The following CAPN7 variants were observed in gnomAD, a reference collection of about 807,000 sequenced individuals.
CAPN7 encodes the protein calpain-7.
In CAPN7, 72 loss-of-function variants were observed where a neutral mutation model predicts 115.2. The ratio of observed to expected loss-of-function variants is 0.63; its 90% CI spans 0.52 to 0.76. CAPN7 has a LOEUF of 0.76. Ranked by LOEUF, CAPN7 falls within the 30% of genes least tolerant of loss-of-function variation. The probability of loss-of-function intolerance (pLI) is 0.00; values close to 1 mark genes in which losing one functional copy is unlikely to be tolerated. For missense variants in CAPN7, 905 were observed against 971.5 expected, an observed-to-expected ratio of 0.93 and a Z score of 0.91; for synonymous variants, 344 against 322.3, an observed-to-expected ratio of 1.07 and a Z score of -0.72.
intron 2 of CAPN7, among the ~76,000 whole-genome samples, chr3:15,213,802 T>G (rs1368300684): frequency 6.6e-6 from 1 of 152,088 alleles, no homozygotes; most frequent in African/African-American, 2.4e-5. Flanking sequence ...GATATATATG[T>G]GATATTCAAG....
At chr3:15,242,947 A>G (rs1015880332) in intron 16 of CAPN7, among the ~76,000 whole-genome samples, 1 of 152,210 alleles carries the variant, frequency 6.6e-6, no homozygotes, top group African/African-American at 2.4e-5. Context: ...TTCTGCTTTC[A>G]TAGAGTTTAT....
intron 2 of CAPN7, among the ~76,000 whole-genome samples, chr3:15,215,273 A>G (rs1049481158): frequency 3.9e-5 from 6 of 152,242 alleles, no homozygotes; most frequent in Non-Finnish European, 8.8e-5. Context: ...TATTTAAAAA[A>G]AAACCAAAAA....
chr3:15,238,625 G>T (rs1444257162), intron 12 of CAPN7, among the ~76,000 whole-genome samples: 1 of 151,944 alleles, frequency 6.6e-6, no homozygotes, highest in African/African-American at 2.4e-5. Flanking sequence ...TAATCTGCTT[G>T]CATATTCCAA....
At chr3:15,238,647 T>C (rs752390744) in intron 12 of CAPN7, among the ~76,000 whole-genome samples, 28 of 152,084 alleles carry the variant, frequency 1.8e-4, no homozygotes, top group Non-Finnish European at 1.5e-4. Flanking sequence ...GTCTTCATTT[T>C]AGTCTCAGCG....
Position 15,218,216 on chromosome 3 carries a change from G to A in CAPN7, c.370-257G>A, listed in dbSNP as rs1330794764. On this transcript the variant is annotated intron_variant, in intron 3 of 20. Transcript: ENST00000253693. ...TGTTCTGAGGTTCCTGCCACTCAGCGTTCCACAGCACTATGGTCAAACAGT... is the reference window on the plus strand; with the variant it reads ...TGTTCTGAGGTTCCTGCCACTCAGCATTCCACAGCACTATGGTCAAACAGT... Among the ~76,000 whole-genome samples the A allele has an allele frequency of 7.2e-5, 11 of 152,144 alleles. No individual in the cohort carries two copies. In the East Asian group the frequency reaches 1.3e-3, roughly 19 times the overall value.
In CAPN7 at chr3:15,251,255, C is replaced by T. The variant is rs1219851276; in HGVS notation, c.2437C>T (p.Gln813Ter). 1.3e-6 allele frequency: 2 copies of T among 1,582,998 alleles called. No individual in the cohort carries two copies. The highest frequency in any genetic ancestry group is 2.3e-5 in the South Asian group (2 of 85,126). ...SIIPIKITQL[Q>*] ...TATCCCCATCAAGATCACACAACTT[C>T]AGTGATGGAGAAATCTCAAGTTACT... The change falls in exon 21 of 21, where the codon CAG (glutamine) becomes TAG (stop). Residue 813 changes from glutamine to a stop codon, truncating the protein, a stop_gained. Transcript: ENST00000253693. LOFTEE classifies it high-confidence loss of function.
chr3:15,225,536 C>T (rs1694263380), intron 6 of CAPN7, among the ~76,000 whole-genome samples: 1 of 152,134 alleles, frequency 6.6e-6, no homozygotes, highest in Admixed American at 6.6e-5. Context: ...AATGTAATAA[C>T]ATGGGAAAAT....
chr3:15,226,102 G>A (rs1694298542), intron 6 of CAPN7, among the ~76,000 whole-genome samples: 1 of 151,860 alleles, frequency 6.6e-6, no homozygotes, highest in Non-Finnish European at 1.5e-5. Flanking sequence ...TTGAGATGGA[G>A]TCTCACTCTG....
chr3:15,245,256 C>T (rs1307463022), intron 16 of CAPN7, among the ~76,000 whole-genome samples: 1 of 150,818 alleles, frequency 6.6e-6, no homozygotes, highest in African/African-American at 2.4e-5. Flanking sequence ...CAACACAGAA[C>T]AAATAGTAGG....
Position 15,220,671 on chromosome 3 carries a change from T to C in CAPN7, c.438-110T>C, listed in dbSNP as rs1481638771. 1.2e-5 allele frequency: 10 copies of C among 833,950 alleles called. No individual in the cohort carries two copies. In the East Asian group the frequency reaches 2.6e-4, roughly 22 times the overall value. 51.7% of individuals were successfully genotyped at this position (833,950 alleles called of 1,614,324 possible). ...ATTAGTATGTAAGAATTTTATATAC[T>C]AATTTTACATTAGGGATGCTTGACT... On this transcript the variant is annotated intron_variant, in intron 4 of 20. Transcript: ENST00000253693.
chr3:15,240,526 A>G lies in CAPN7; in HGVS notation c.1461A>G (p.Gly487=). The change falls in exon 13 of 21, where the codon GGA becomes GGG. Residue 487 remains glycine (G), a synonymous_variant. Coordinates refer to ENST00000253693, the MANE Select transcript of CAPN7 (RefSeq NM_014296.3). ...CTTGGAGTCATTTACGTTGGAAAGG[A>G]AGATACAGTGAAAATGATGTAAAAA... ...KNPWSHLRWK[G]RYSENDVKNW... The G allele has an allele frequency of 6.2e-7, 1 of 1,613,376 alleles. No homozygotes were observed. Among genetic ancestry groups the G allele is most frequent in the Middle Eastern group, 1.7e-4 (1 of 5,926 alleles).
At chr3:15,243,092 G>A (rs780675922) in intron 16 of CAPN7, among the ~76,000 whole-genome samples, 74 of 152,294 alleles carry the variant, frequency 4.9e-4, no homozygotes, top group Non-Finnish European at 7.8e-4. Context: ...GATGAGAAGA[G>A]CTATGAATAA....
rs1025380964 is a variant in CAPN7, at chr3:15,221,488, C to T, written c.638+507C>T. Among the ~76,000 whole-genome samples the T allele has an allele frequency of 5.3e-5, 8 of 151,706 alleles. No individual in the cohort carries two copies. In the East Asian group the frequency reaches 5.8e-4, roughly 11 times the overall value. ...GATTACAGGCATGAGCCACTGTGCC[C>T]GGCTTTAGTTCCAGTATATTTTAAT... On this transcript the variant is annotated intron_variant, in intron 5 of 20. Coordinates refer to ENST00000253693, the MANE Select transcript of CAPN7 (RefSeq NM_014296.3).
Position 15,251,285 on chromosome 3 carries a change from T to C in CAPN7, c.*25T>C, listed in dbSNP as rs1475941629. 6.4e-7 allele frequency: 1 copy of C among 1,554,516 alleles called. No homozygotes were observed. The highest frequency in any genetic ancestry group is 1.4e-5 in the African/African-American group (1 of 72,084). On this transcript the variant is annotated 3_prime_UTR_variant, in exon 21 of 21. Coordinates refer to ENST00000253693, the MANE Select transcript of CAPN7 (RefSeq NM_014296.3). ...ATGGAGAAATCTCAAGTTACTGGCT[T>C]TTATACTTACCAAACATCAGTTCTT...
chr3:15,220,883 C>T lies in CAPN7; in HGVS notation c.540C>T (p.Gly180=), dbSNP rs374241441. ...PPPVRAHFPL[G]ANPFLERPQS... ...CAGTGAGAGCACATTTTCCACTGGGCGCTAATCCCTTCCTTGAAAGACCTC... is the reference window on the plus strand; with the variant it reads ...CAGTGAGAGCACATTTTCCACTGGGTGCTAATCCCTTCCTTGAAAGACCTC... Residue 180 remains glycine, a synonymous_variant, in exon 5 of 21, where the codon GGC becomes GGT. Coordinates refer to ENST00000253693, the MANE Select transcript of CAPN7 (RefSeq NM_014296.3). 4.6e-5 allele frequency: 75 copies of T among 1,614,076 alleles called. 1 individual carries two copies. The highest frequency in any genetic ancestry group is 3.3e-4 in the Middle Eastern group (2 of 6,062).
chr3:15,208,347 C>T (rs2044747115), intron 1 of CAPN7, among the ~76,000 whole-genome samples: 1 of 151,610 alleles, frequency 6.6e-6, no homozygotes, highest in Admixed American at 6.6e-5. Flanking sequence ...TGCCGTGGCC[C>T]ACTAATAATA....
At chr3:15,246,059 C>T (rs999264543) in intron 17 of CAPN7, 1 of 157,462 alleles carries the variant, frequency 6.4e-6, no homozygotes, top group Non-Finnish European at 1.4e-5. Flanking sequence ...CTGCCTCAGC[C>T]TCCTGGGTAG....
chr3:15,245,197 C>CAAAAG (rs371287115), intron 16 of CAPN7, among the ~76,000 whole-genome samples: 17,429 of 139,910 alleles, frequency 0.12, 3,380 homozygotes, highest in African/African-American at 0.41. Flanking sequence ...AATTTCATCT[C>CAAAAG]AAAAAAAAAA....
chr3:15,235,939 G>C (rs891538547), intron 12 of CAPN7, among the ~76,000 whole-genome samples: 1 of 151,958 alleles, frequency 6.6e-6, no homozygotes, highest in Non-Finnish European at 1.5e-5. Flanking sequence ...AGGATCTCTT[G>C]AGGCCAGGAG....
Sources: gnomAD v4.1 joint callset for allele counts (sites outside exome capture counted in the v4.1 genomes callset) on GRCh38, gnomAD v4.1.1 for gene constraint, MANE v1.5 for transcripts, NCBI Gene and HGNC (gene_info 2026-07-23, HGNC 2026-07-21) for gene names.